The following DAPK1 variants were observed in gnomAD, a reference collection of about 807,000 sequenced individuals.
The protein encoded by DAPK1 is death-associated protein kinase 1.
In DAPK1, 56 loss-of-function variants were observed where a neutral mutation model predicts 144.9. That is an observed-to-expected ratio of 0.39 (90% CI 0.31 to 0.48). DAPK1 has a LOEUF of 0.48. Among genes scored for constraint, DAPK1 ranks in the 20% least tolerant of loss-of-function variants. The pLI is 0.95. For synonymous variants in DAPK1, 690 were observed against 749.0 expected (o/e 0.92, Z 1.29); for missense variants, 1,454 against 1,875.4 (o/e 0.78, Z 4.15).
chr9:87,515,950 C>T (rs1383240392), intron 2 of DAPK1, among the ~76,000 whole-genome samples: 1 of 152,144 alleles, frequency 6.6e-6, no homozygotes, highest in Non-Finnish European at 1.5e-5. Context: ...CAGCGGGTGC[C>T]CTTGCCCCCC....
chr9:87,583,861 G>C (rs1827838803), intron 2 of DAPK1, among the ~76,000 whole-genome samples: 1 of 152,134 alleles, frequency 6.6e-6, no homozygotes, highest in African/African-American at 2.4e-5. Flanking sequence ...TCTTTCTTCA[G>C]TTCATGGGGT....
At chr9:87,622,726 C>G (rs190248298) in intron 3 of DAPK1, among the ~76,000 whole-genome samples, 1 of 151,990 alleles carries the variant, frequency 6.6e-6, no homozygotes, top group African/African-American at 2.4e-5. Flanking sequence ...GCCTGGGCAA[C>G]ACGGTGAAAC....
intron 2 of DAPK1, among the ~76,000 whole-genome samples, chr9:87,554,782 T>C (rs1587713715): frequency 6.6e-6 from 1 of 152,288 alleles, no homozygotes; most frequent in Admixed American, 6.5e-5. Context: ...TGATGCTGTC[T>C]CCCACCCAGG....
At chr9:87,605,255 C>T in intron 3 of DAPK1, 80 bp downstream of exon 3, 3 of 1,190,160 alleles carry the variant, frequency 2.5e-6, no homozygotes, top group Admixed American at 3.6e-5. Context: ...GACCACGCCA[C>T]AGCGAGCCCG....
At chr9:87,643,246 A>G (rs565482028) in intron 10 of DAPK1, 130 bp from the exon 11 acceptor site, 61 of 595,126 alleles carry the variant, frequency 1.0e-4, no homozygotes, top group African/African-American at 1.0e-3. Flanking sequence ...GCTGATAGCA[A>G]TGAACACGAT....
At chr9:87,642,188 T>G in intron 10 of DAPK1, 130 bp downstream of exon 10, 1 of 676,842 alleles carries the variant, frequency 1.5e-6, no homozygotes, top group Non-Finnish European at 2.5e-6. Flanking sequence ...ATCCACCCTG[T>G]AGTGTTCTGC....
intron 2 of DAPK1, among the ~76,000 whole-genome samples, chr9:87,590,407 G>T (rs1828089366): frequency 7.2e-6 from 1 of 138,588 alleles, no homozygotes; most frequent in South Asian, 2.2e-4. Flanking sequence ...AAAAGAAAAA[G>T]GAAGCTAAAA....
chr9:87,519,193 G>A (rs1440189554), intron 2 of DAPK1, among the ~76,000 whole-genome samples: 1 of 152,200 alleles, frequency 6.6e-6, no homozygotes, highest in Non-Finnish European at 1.5e-5. Flanking sequence ...ACTGGGTTCA[G>A]CAAGGGGCCC....
chr9:87,554,073 T>C (rs1826606281), intron 2 of DAPK1: 2 of 151,854 alleles, frequency 1.3e-5, no homozygotes, highest in Non-Finnish European at 2.9e-5. Context: ...TGCTCTCAAA[T>C]ACTCAGTGCA....
chr9:87,646,751 T>A (rs1830280412), intron 13 of DAPK1, among the ~76,000 whole-genome samples, 192 bp downstream of exon 13: 1 of 152,256 alleles, frequency 6.6e-6, no homozygotes, highest in African/African-American at 2.4e-5. Flanking sequence ...TTATCATTTA[T>A]CCTCCCCTTG....
At chr9:87,553,356 T>C (rs1183384398) in intron 2 of DAPK1, 1 of 152,220 alleles carries the variant, frequency 6.6e-6, no homozygotes, top group Non-Finnish European at 1.5e-5. Context: ...CAGTTAACCA[T>C]TCATGGGATC....
At chr9:87,525,349 G>A in intron 2 of DAPK1, 1 of 1,611,388 alleles carries the variant, frequency 6.2e-7, no homozygotes, top group Admixed American at 1.7e-5. Context: ...AATTCGGCCA[G>A]GGTTCTCGCT....
chr9:87,536,362 C>G (rs971155635), intron 2 of DAPK1, among the ~76,000 whole-genome samples: 1 of 152,106 alleles, frequency 6.6e-6, no homozygotes, highest in Non-Finnish European at 1.5e-5. Flanking sequence ...ACACCATGTG[C>G]GTGAGCATGT....
chr9:87,617,224 T>A (rs1587773571), intron 3 of DAPK1, among the ~76,000 whole-genome samples: 1 of 152,220 alleles, frequency 6.6e-6, no homozygotes, highest in Non-Finnish European at 1.5e-5. Context: ...GGGAGTACAT[T>A]TTTTTGGAAG....
At chr9:87,672,534 G>T (rs931036521) in intron 19 of DAPK1, among the ~76,000 whole-genome samples, 1 of 152,118 alleles carries the variant, frequency 6.6e-6, no homozygotes, top group Non-Finnish European at 1.5e-5. Flanking sequence ...TAGTGCACAG[G>T]GATCTCCTTC....
Position 87,686,149 on chromosome 9 carries a change from G to A in DAPK1, c.2225-402G>A, listed in dbSNP as rs1824837582. Among the ~76,000 whole-genome samples the A allele has an allele frequency of 6.6e-6, 1 of 152,218 alleles. No individual in the cohort carries two copies. The highest frequency in any genetic ancestry group is 1.5e-5 in the Non-Finnish European group (1 of 68,042). The stretch of plus-strand genomic sequence containing the variant: ...AGAGAGAAGTCGCTCAGTGGGAGCT[G>A]GAGGAAGACAGAGACTGCGAGTATC... On this transcript the variant is annotated intron_variant, in intron 20 of 25. Coordinates refer to ENST00000408954, the MANE Select transcript of DAPK1 (RefSeq NM_004938.4). The surrounding 1 kb of genome is among the most constrained non-coding windows in gnomAD (Gnocchi z 4.2).
At position 87,680,696 on chromosome 9, in the gene DAPK1, A is replaced by G. The variant is rs532618236; in HGVS notation, c.2002-708A>G. Among the ~76,000 whole-genome samples, 13 of 152,082 alleles carry G rather than the reference A, an allele frequency of 8.5e-5. No individual in the cohort carries two copies. In the East Asian group the frequency reaches 2.1e-3, roughly 25 times the overall value. On this transcript the variant is annotated intron_variant, in intron 19 of 25. Transcript: ENST00000408954. ...ACATTGAAGGCTTCACAGTTGCTCCATCCAACTTGTCATGCATCAAAATGC... is the reference window on the plus strand; with the variant it reads ...ACATTGAAGGCTTCACAGTTGCTCCGTCCAACTTGTCATGCATCAAAATGC...
chr9:87,498,410 G>T (rs1034434916), intron 1 of DAPK1: 8 of 325,836 alleles, frequency 2.5e-5, no homozygotes, highest in Non-Finnish European at 3.9e-5. Flanking sequence ...CCCCCGGGCG[G>T]CCGCACGCCG....
In DAPK1 at chr9:87,686,183, A is replaced by G. The variant is rs907899934; in HGVS notation, c.2225-368A>G. On this transcript the variant is annotated intron_variant, in intron 20 of 25. Coordinates refer to ENST00000408954, the MANE Select transcript of DAPK1 (RefSeq NM_004938.4). The surrounding 1 kb of genome is among the most constrained non-coding windows in gnomAD (Gnocchi z 4.2). Reference sequence around the variant, plus strand: ...CAGAGACTGCGAGTATCAGCAAAGTAGCAGGAAGTGAGAAGGGAAGAAACC... The same window carrying G: ...CAGAGACTGCGAGTATCAGCAAAGTGGCAGGAAGTGAGAAGGGAAGAAACC... Among the ~76,000 whole-genome samples, 8 of 152,208 alleles carry G rather than the reference A, an allele frequency of 5.3e-5. No individual in the cohort carries two copies. Among genetic ancestry groups the G allele is most frequent in the Non-Finnish European group, 5.9e-5 (4 of 68,038 alleles).
Sources: allele counts gnomAD v4.1 joint callset (sites outside exome capture counted in the v4.1 genomes callset), GRCh38; gene constraint gnomAD v4.1.1; non-coding constraint Gnocchi (gnomAD v3.1); transcripts MANE v1.5; gene names NCBI Gene and HGNC (gene_info 2026-07-23, HGNC 2026-07-21).